SMYD3: variants seen among roughly 807,000 people sequenced by gnomAD.
The protein encoded by SMYD3 is histone-lysine N-methyltransferase SMYD3.
SMYD3 carries 36 observed loss-of-function variants against 57.7 expected under a neutral mutation model. That is an observed-to-expected ratio of 0.62 (90% CI 0.48 to 0.82). The LOEUF (loss-of-function observed/expected upper bound fraction) is 0.82. Among genes scored for constraint, SMYD3 ranks in the 40% least tolerant of loss-of-function variants. The pLI is 0.00. For synonymous variants in SMYD3, 211 were observed against 195.0 expected, an observed-to-expected ratio of 1.08 and a Z score of -0.68; for missense variants, 515 against 538.8, an observed-to-expected ratio of 0.96 and a Z score of 0.44.
At chr1:246,343,070 G>A (rs1463389275) in intron 2 of SMYD3, among the ~76,000 whole-genome samples, 1 of 152,164 alleles carries the variant, frequency 6.6e-6, no homozygotes, top group Non-Finnish European at 1.5e-5. Context: ...TGCTACATCA[G>A]AGTTGAACAC....
intron 5 of SMYD3, among the ~76,000 whole-genome samples, chr1:246,182,155 T>C (rs913100354): frequency 6.6e-6 from 1 of 152,108 alleles, no homozygotes; most frequent in Non-Finnish European, 1.5e-5. Context: ...GTAACTGAAA[T>C]CCAGCACATT....
At chr1:245,978,469 G>T (rs2058508400) in intron 5 of SMYD3, among the ~76,000 whole-genome samples, 1 of 152,158 alleles carries the variant, frequency 6.6e-6, no homozygotes, top group Non-Finnish European at 1.5e-5. Flanking sequence ...TGAATCCAGA[G>T]GTAAGTTTCC....
At chr1:246,068,342 TC>T (rs1338728803) in intron 5 of SMYD3, among the ~76,000 whole-genome samples, 1 of 151,512 alleles carries the variant, frequency 6.6e-6, no homozygotes, top group African/African-American at 2.4e-5. Context: ...CACTGCCACC[TC>T]TGTTAAAAGG....
At chr1:245,792,768 AG>A (rs773687194) in intron 10 of SMYD3, among the ~76,000 whole-genome samples, 1 of 152,164 alleles carries the variant, frequency 6.6e-6, no homozygotes, top group Non-Finnish European at 1.5e-5. Flanking sequence ...CATGATCTGC[AG>A]GGTTTGGGTG....
At chr1:246,462,018 T>C (rs2067805077) in intron 1 of SMYD3, among the ~76,000 whole-genome samples, 1 of 152,110 alleles carries the variant, frequency 6.6e-6, no homozygotes, top group Non-Finnish European at 1.5e-5. Context: ...TAATCCAGGC[T>C]AGTGTGGTAG....
At chr1:246,420,992 C>T (rs2067135486) in intron 1 of SMYD3, among the ~76,000 whole-genome samples, 1 of 152,110 alleles carries the variant, frequency 6.6e-6, no homozygotes, top group African/African-American at 2.4e-5. Context: ...GTATAATATC[C>T]TATAAAGAAA....
intron 5 of SMYD3, among the ~76,000 whole-genome samples, chr1:246,061,701 G>A (rs772116248): frequency 2.6e-5 from 4 of 152,186 alleles, no homozygotes; most frequent in Non-Finnish European, 5.9e-5. Flanking sequence ...ACCCAGCCTG[G>A]GCGACAGAGT....
chr1:246,362,797 G>GAT (rs1219268876), intron 1 of SMYD3, among the ~76,000 whole-genome samples: 1 of 152,224 alleles, frequency 6.6e-6, no homozygotes, highest in African/African-American at 2.4e-5. Flanking sequence ...GCAGTGGCGT[G>GAT]ATCTCGGCTC....
chr1:245,897,040 C>G (rs2053861727), intron 8 of SMYD3, among the ~76,000 whole-genome samples: 1 of 152,142 alleles, frequency 6.6e-6, no homozygotes, highest in Non-Finnish European at 1.5e-5. Flanking sequence ...CTTCATGGAA[C>G]TAACACTTAA....
At chr1:245,939,029 C>T (rs551482971) in intron 5 of SMYD3, among the ~76,000 whole-genome samples, 2 of 151,946 alleles carry the variant, frequency 1.3e-5, no homozygotes, top group African/African-American at 4.8e-5. Flanking sequence ...GGCTATATTC[C>T]CAGCTACTCG....
intron 5 of SMYD3, among the ~76,000 whole-genome samples, chr1:246,056,333 G>A (rs751605557): frequency 3.3e-5 from 5 of 152,200 alleles, no homozygotes; most frequent in South Asian, 2.1e-4. Context: ...AGAAAAAAAC[G>A]GAGGGAGTGC....
At chr1:246,005,244 G>A (rs1056429887) in intron 5 of SMYD3, among the ~76,000 whole-genome samples, 1 of 152,208 alleles carries the variant, frequency 6.6e-6, no homozygotes, top group African/African-American at 2.4e-5. Context: ...TACTGCCATT[G>A]CTTAATTAGC....
intron 5 of SMYD3, among the ~76,000 whole-genome samples, chr1:246,020,606 T>C (rs2059454680): frequency 6.6e-6 from 1 of 152,186 alleles, no homozygotes; most frequent in Non-Finnish European, 1.5e-5. Flanking sequence ...TAACAGTAGC[T>C]AACACTTATT....
intron 5 of SMYD3, among the ~76,000 whole-genome samples, chr1:246,008,597 C>T (rs1293001809): frequency 6.6e-6 from 1 of 152,172 alleles, no homozygotes; most frequent in Non-Finnish European, 1.5e-5. Flanking sequence ...GCAGCAACAG[C>T]GCTTGGGGAG....
chr1:246,276,117 G>A (rs553634603), intron 5 of SMYD3, among the ~76,000 whole-genome samples: 1 of 122,278 alleles, frequency 8.2e-6, no homozygotes, highest in African/African-American at 2.8e-5. Flanking sequence ...TTCACTAGTC[G>A]TATTAACACT....
At chr1:246,071,951 C>G (rs10924486) in intron 5 of SMYD3, among the ~76,000 whole-genome samples, 15 of 135,616 alleles carry the variant, frequency 1.1e-4, no homozygotes, top group East Asian at 2.2e-4. Context: ...TGGATGCTTC[C>G]TGTTAGTTCT....
intron 5 of SMYD3, among the ~76,000 whole-genome samples, chr1:246,155,759 C>A (rs2062012367): frequency 6.6e-6 from 1 of 152,044 alleles, no homozygotes; most frequent in African/African-American, 2.4e-5. Flanking sequence ...GCAGGTGGAT[C>A]ACTTGAGGTC....
intron 5 of SMYD3, among the ~76,000 whole-genome samples, chr1:245,948,563 C>T (rs2057503842): frequency 6.6e-6 from 1 of 152,152 alleles, no homozygotes. Flanking sequence ...CTGGGCCCCA[C>T]ATACTGCTCG....
At chr1:245,860,971 C>T (rs991686881) in intron 9 of SMYD3, among the ~76,000 whole-genome samples, 12 of 152,162 alleles carry the variant, frequency 7.9e-5, no homozygotes, top group African/African-American at 2.7e-4. Context: ...TAAAGAGGTT[C>T]GAGGTGACAG....
Sources: allele counts gnomAD v4.1 joint callset (sites outside exome capture counted in the v4.1 genomes callset), GRCh38; gene constraint gnomAD v4.1.1; transcripts MANE v1.5; gene names NCBI Gene and HGNC (gene_info 2026-07-23, HGNC 2026-07-21).